ZNF521: variants seen among roughly 807,000 people sequenced by gnomAD.
ZNF521 encodes zinc finger protein 521.
In ZNF521, 14 loss-of-function variants were observed where a neutral mutation model predicts 105.5. That is an observed-to-expected ratio of 0.13 (90% CI 0.09 to 0.21). The LOEUF (loss-of-function observed/expected upper bound fraction) is 0.21, where lower values mean the gene tolerates loss of function less well. ZNF521 is among the 10% of genes least tolerant of loss of function. The probability of loss-of-function intolerance (pLI) is 1.00; values close to 1 mark genes in which losing one functional copy is unlikely to be tolerated. For synonymous variants in ZNF521, 635 were observed against 606.0 expected, an observed-to-expected ratio of 1.05 and a Z score of -0.70; for missense variants, 1,233 against 1,629.7, an observed-to-expected ratio of 0.76 and a Z score of 4.19.
chr18:25,172,594 C>CA (rs1325677572), intron 5 of ZNF521, among the ~76,000 whole-genome samples: 2 of 152,126 alleles, frequency 1.3e-5, no homozygotes, highest in African/African-American at 4.8e-5. Flanking sequence ...ATTCTTAAAG[C>CA]ACTTTTTAGT....
chr18:25,316,972 A>C (rs1912667698), intron 3 of ZNF521, among the ~76,000 whole-genome samples: 1 of 151,084 alleles, frequency 6.6e-6, no homozygotes, highest in Non-Finnish European at 1.5e-5. Flanking sequence ...CTCCTGCCTC[A>C]GCCTCCAAAG....
intron 3 of ZNF521, among the ~76,000 whole-genome samples, chr18:25,285,293 G>A (rs1910636856): frequency 6.6e-6 from 1 of 152,114 alleles, no homozygotes; most frequent in South Asian, 2.1e-4. Context: ...CCCCCTAAGG[G>A]TCCCAAGTTC....
At chr18:25,349,306 C>G (rs1914598884) in intron 2 of ZNF521, among the ~76,000 whole-genome samples, 1 of 152,144 alleles carries the variant, frequency 6.6e-6, no homozygotes, top group Non-Finnish European at 1.5e-5. Flanking sequence ...CCGCGCACGC[C>G]CGTGGCGTTT....
chr18:25,270,812 C>T (rs545623369), intron 3 of ZNF521, among the ~76,000 whole-genome samples: 2 of 152,276 alleles, frequency 1.3e-5, no homozygotes, highest in Admixed American at 1.3e-4. Flanking sequence ...AAGCCCACAG[C>T]TAATATCATA....
At chr18:25,331,620 C>T (rs1319431787) in intron 2 of ZNF521, among the ~76,000 whole-genome samples, 1 of 152,186 alleles carries the variant, frequency 6.6e-6, no homozygotes, top group Non-Finnish European at 1.5e-5. Context: ...CTAATACTTA[C>T]ACCAACTGTT....
chr18:25,251,536 T>C (rs1266117130), intron 3 of ZNF521, among the ~76,000 whole-genome samples: 1 of 152,186 alleles, frequency 6.6e-6, no homozygotes, highest in Non-Finnish European at 1.5e-5. Flanking sequence ...AGCCCTACAG[T>C]GTAACATTAT....
intron 7 of ZNF521, chr18:25,082,686 C>A (rs749222172): frequency 1.7e-5 from 7 of 414,244 alleles, no homozygotes; most frequent in Admixed American, 2.7e-5. Flanking sequence ...AATACACACA[C>A]AAAAAATTAG....
At chr18:25,125,531 G>T (rs1197453987) in intron 5 of ZNF521, among the ~76,000 whole-genome samples, 1 of 152,020 alleles carries the variant, frequency 6.6e-6, no homozygotes, top group Non-Finnish European at 1.5e-5. Flanking sequence ...GTATATGTGT[G>T]TGTGTATGTT....
At chr18:25,086,247 A>G (rs2144192408) in intron 7 of ZNF521, among the ~76,000 whole-genome samples, 1 of 152,198 alleles carries the variant, frequency 6.6e-6, no homozygotes, top group East Asian at 1.9e-4. Flanking sequence ...TCCTAGGAAA[A>G]TAACAAAACT....
Position 25,062,535 on chromosome 18 carries a change from A to C in ZNF521, c.*177T>G. ...GCAACACTTTATATACAAGGGGTCTATCCGGTGCGCAAAAGTTCAAACACA... is the reference window on the plus strand; with the variant it reads ...GCAACACTTTATATACAAGGGGTCTCTCCGGTGCGCAAAAGTTCAAACACA... On this transcript the variant is annotated 3_prime_UTR_variant, in exon 8 of 8. Transcript: ENST00000361524. The C allele has an allele frequency of 2.0e-5, 15 of 749,944 alleles. No homozygotes were observed. The highest frequency in any genetic ancestry group is 2.7e-5 in the East Asian group (1 of 37,406). The allele number at this position is 749,944 out of a possible 1,614,324, so 46.5% of individuals were successfully genotyped here.
chr18:25,153,382 C>T (rs2035083634), intron 5 of ZNF521, among the ~76,000 whole-genome samples: 1 of 152,132 alleles, frequency 6.6e-6, no homozygotes, highest in African/African-American at 2.4e-5. Context: ...TCTACCCTGC[C>T]CCCTCTCTTA....
chr18:25,226,953 A>C lies in ZNF521; in HGVS notation c.965T>G (p.Val322Gly). 1.2e-6 allele frequency: 2 copies of C among 1,614,008 alleles called. No individual in the cohort carries two copies. The highest frequency in any genetic ancestry group is 1.7e-6 in the Non-Finnish European group (2 of 1,180,006). The change falls in exon 4 of 8, where the codon GTT becomes GGT. Residue 322 changes from valine to glycine, a missense_variant. By Grantham distance (109) the Val-to-Gly change is moderately radical (BLOSUM62 -3). Around this residue, in one of 6 missense-constraint regions of ZNF521, gnomAD observed 380 missense variants for 478.0 expected, o/e 0.80. Coordinates refer to ENST00000361524, the MANE Select transcript of ZNF521 (RefSeq NM_015461.3). This position sits in a 1 kb window ranked among gnomAD's most constrained non-coding sequence, Gnocchi z 4.1. ...GTCCATGTGGCTGTACAGTTCCTCAACTGTGTGGAAACTCTCAGAACAAAT... is the reference window on the plus strand; with the variant it reads ...GTCCATGTGGCTGTACAGTTCCTCACCTGTGTGGAAACTCTCAGAACAAAT... ...CSICSESFHT[V>G]EELYSHMDSH...
At chr18:25,149,862 G>A (rs1313713638) in intron 5 of ZNF521, among the ~76,000 whole-genome samples, 2 of 152,142 alleles carry the variant, frequency 1.3e-5, no homozygotes, top group African/African-American at 2.4e-5. Context: ...GATAGCTGAT[G>A]ATGTCAGTCA....
intron 5 of ZNF521, among the ~76,000 whole-genome samples, chr18:25,193,570 T>C (rs2035854241): frequency 6.6e-6 from 1 of 152,008 alleles, no homozygotes; most frequent in South Asian, 2.1e-4. Context: ...ACGGGAAATA[T>C]TAACATTTAT....
chr18:25,144,286 G>A (rs961129188), intron 5 of ZNF521, among the ~76,000 whole-genome samples: 4 of 152,024 alleles, frequency 2.6e-5, no homozygotes, highest in African/African-American at 9.7e-5. Flanking sequence ...TTCTGTGAGC[G>A]CACTCTCTCT....
intron 3 of ZNF521, among the ~76,000 whole-genome samples, chr18:25,310,140 G>T (rs1912215907): frequency 6.6e-6 from 1 of 152,028 alleles, no homozygotes; most frequent in African/African-American, 2.4e-5. Context: ...TCATCAAAAT[G>T]GGCACAACTC....
intron 5 of ZNF521, among the ~76,000 whole-genome samples, chr18:25,137,843 A>G (rs999872097): frequency 1.3e-5 from 2 of 152,196 alleles, no homozygotes; most frequent in African/African-American, 4.8e-5. Flanking sequence ...TGGCAAAGCT[A>G]GCGTTTGATC....
chr18:25,226,211 T>C lies in ZNF521; in HGVS notation c.1707A>G (p.Pro569=), dbSNP rs778650296. The change falls in exon 4 of 8, where the codon CCA becomes CCG. Residue 569 remains proline, a synonymous_variant. Transcript: ENST00000361524. The surrounding 1 kb of genome is among the most constrained non-coding windows in gnomAD (Gnocchi z 4.1). The part of the protein sequence containing the change: ...VYSCSYCTNS[P]IFNSVLKLNK... ...TCAGTTTAAGAACGCTGTTGAATAT[T>C]GGCGAATTTGTACAATAGGAACAAG... 3.7e-6 allele frequency: 6 copies of C among 1,614,206 alleles called. No individual in the cohort carries two copies. The South Asian group carries it at 6.6e-5, about 18-fold the overall frequency.
chr18:25,176,044 A>G (rs2035529588), intron 5 of ZNF521, among the ~76,000 whole-genome samples: 1 of 152,222 alleles, frequency 6.6e-6, no homozygotes, highest in African/African-American at 2.4e-5. Context: ...TGCTGCATAC[A>G]GCTATGACTT....
Sources: allele counts gnomAD v4.1 joint callset (sites outside exome capture counted in the v4.1 genomes callset), GRCh38; gene constraint gnomAD v4.1.1; regional missense constraint gnomAD v4.1.1; non-coding constraint Gnocchi (gnomAD v3.1); transcripts MANE v1.5; gene names NCBI Gene and HGNC (gene_info 2026-07-23, HGNC 2026-07-21).